KANSL1: variants seen among roughly 807,000 people sequenced by gnomAD.
KANSL1 encodes MLL1/MLL complex subunit KANSL1.
In KANSL1, 22 loss-of-function variants were observed where a neutral mutation model predicts 103.6. That is an observed-to-expected ratio of 0.21 (90% confidence interval 0.15 to 0.30). The LOEUF is 0.30. Ranked by LOEUF, KANSL1 falls within the 10% of genes least tolerant of loss-of-function variation. The pLI is 1.00. For synonymous variants in KANSL1, 600 were observed against 527.6 expected (o/e 1.14, Z -1.88); for missense variants, 1,337 against 1,399.8 (o/e 0.96, Z 0.72).
rs546631407 is a variant in KANSL1 at position 46,091,839 on chromosome 17, CAG to C, written c.1431+2719_1431+2720del. Among the ~76,000 whole-genome samples, 15 of 117,146 alleles carry C rather than the reference CAG, an allele frequency of 1.3e-4. No individual in the cohort carries two copies. The South Asian group carries it at 3.3e-3, about 26-fold the overall frequency. The allele number at this position is 117,146 out of a possible 152,430, so 76.9% of individuals were successfully genotyped here. A position where few individuals can be genotyped will look rare whatever the true frequency, so the allele number is the denominator to read the frequency against. On this transcript the variant is annotated intron_variant, in intron 3 of 14. Coordinates refer to ENST00000432791, the MANE Select transcript of KANSL1 (RefSeq NM_015443.4). ...TATGTATGTATGTATGTATATGAGACAGAGACTCGCTCTGCTTTGCCCAGGCT... is the reference window on the plus strand; with the variant it reads ...TATGTATGTATGTATGTATATGAGACAGACTCGCTCTGCTTTGCCCAGGCT...
chr17:46,189,804 G>A (rs2732594), intron 1 of KANSL1, among the ~76,000 whole-genome samples: 5 of 151,760 alleles, frequency 3.3e-5, no homozygotes, highest in African/African-American at 4.8e-5. Context: ...CTACCCAGGC[G>A]GCTGAGGCAC....
chr17:46,032,044 T>C lies in KANSL1; in HGVS notation c.3090+3A>G. On this transcript the variant is annotated splice_donor_region_variant and intron_variant, in intron 14 of 14. Transcript: ENST00000432791. The stretch of plus-strand genomic sequence containing the variant: ...AACCCCACCCAAAGGCTGCGTCCCT[T>C]ACCTGTTCATCCAGCCCCAGCTCTG... The C allele has an allele frequency of 1.2e-6, 2 of 1,614,070 alleles. No homozygotes were observed. The highest frequency in any genetic ancestry group is 1.7e-5 in the Admixed American group (1 of 60,020).
intron 4 of KANSL1, among the ~76,000 whole-genome samples, chr17:46,080,166 A>G (rs1488588213): frequency 6.6e-6 from 1 of 152,012 alleles, no homozygotes; most frequent in Non-Finnish European, 1.5e-5. Context: ...ATAACAGAAA[A>G]TACCTCTGAC....
In KANSL1 at chr17:46,171,404, C is replaced by G; in HGVS notation, c.740G>C (p.Arg247Thr). The change falls in exon 2 of 15, where the codon AGA (arginine) becomes ACA (threonine). Residue 247 changes from arginine to threonine, a missense_variant. Physicochemically the swap from Arg to Thr is moderately conservative, Grantham distance 71 (BLOSUM62 -1). Transcript: ENST00000432791. ...MEQPALQGSSRLSPGTDSSSN... is the reference protein window; with the variant it reads ...MEQPALQGSSTLSPGTDSSSN... ...GCTGGAGTCTGTACCAGGTGATAAT[C>G]TACTGCTTCCTTGAAGTGCCGGCTG... 6.2e-7 allele frequency: 1 copy of G among 1,614,046 alleles called. No individual in the cohort carries two copies. The highest frequency in any genetic ancestry group is 1.1e-5 in the South Asian group (1 of 91,074).
chr17:46,190,332 GCT>G (rs2047254376), intron 1 of KANSL1, among the ~76,000 whole-genome samples: 1 of 152,256 alleles, frequency 6.6e-6, no homozygotes, highest in Non-Finnish European at 1.5e-5. Flanking sequence ...AACAAAGAGT[GCT>G]CTGCAGGTTT....
chr17:46,067,442 G>C, intron 5 of KANSL1, 107 bp downstream of exon 5: 4 of 736,216 alleles, frequency 5.4e-6, no homozygotes, highest in Non-Finnish European at 9.7e-6. Context: ...AAGTGATAAG[G>C]CTTCCGCTTC....
intron 2 of KANSL1, among the ~76,000 whole-genome samples, chr17:46,151,140 A>G (rs1286373696): frequency 6.6e-6 from 1 of 152,250 alleles, no homozygotes; most frequent in Non-Finnish European, 1.5e-5. Flanking sequence ...ATAAAGCTAA[A>G]TATTTAAGAA....
chr17:46,189,031 CAAAAAAAAAAAAAAAAAAAA>C (rs57566816), intron 1 of KANSL1, among the ~76,000 whole-genome samples: 16,290 of 62,828 alleles, frequency 0.26, 100 homozygotes, highest in Middle Eastern at 0.39. Flanking sequence ...AAGATTGTCT[CAAAAAAAAAAAAAAAAAAAA>C]AAAAAAAAAA....
chr17:46,077,649 C>T (rs1047295474), intron 4 of KANSL1, among the ~76,000 whole-genome samples: 8 of 152,134 alleles, frequency 5.3e-5, no homozygotes, highest in African/African-American at 1.9e-4. Context: ...CCTCTGTCTC[C>T]TGAGTTCAAG....
intron 4 of KANSL1, among the ~76,000 whole-genome samples, chr17:46,070,817 G>A (rs2146698046): frequency 1.3e-5 from 2 of 152,160 alleles, no homozygotes; most frequent in South Asian, 4.1e-4. Context: ...GCCTTCACGT[G>A]TTCTAGAAGG....
At chr17:46,062,480 T>G (rs1487260749) in intron 6 of KANSL1, among the ~76,000 whole-genome samples, 1 of 146,962 alleles carries the variant, frequency 6.8e-6, no homozygotes, top group African/African-American at 2.5e-5. Context: ...TGCCCCAGCC[T>G]CTCGAGTAGC....
intron 2 of KANSL1, among the ~76,000 whole-genome samples, chr17:46,146,600 G>A (rs1037828419): frequency 5.4e-5 from 8 of 147,296 alleles, no homozygotes; most frequent in Middle Eastern, 3.6e-3. Context: ...TTGGGAGGCC[G>A]AAGCCGGCGG....
At chr17:46,094,504 A>G in intron 3 of KANSL1, 56 bp downstream of exon 3, 1 of 1,578,208 alleles carries the variant, frequency 6.3e-7, no homozygotes, top group Non-Finnish European at 8.6e-7. Context: ...GATGTGAGAA[A>G]AGCGATATTG....
chr17:46,105,948 C>CACACACACACA (rs373189477), intron 2 of KANSL1, among the ~76,000 whole-genome samples: 11 of 39,044 alleles, frequency 2.8e-4, no homozygotes, highest in African/African-American at 8.4e-4. Context: ...CACACACACA[C>CACACACACACA]CCCCCCAGAA....
chr17:46,149,007 T>C (rs2044909126), intron 2 of KANSL1, among the ~76,000 whole-genome samples: 1 of 107,940 alleles, frequency 9.3e-6, no homozygotes, highest in African/African-American at 2.7e-5. Context: ...TTTTTTTCTT[T>C]TTTTTTTTTT....
intron 2 of KANSL1, 125 bp downstream of exon 2, chr17:46,170,721 AACATCAGGG>A: frequency 9.8e-7 from 1 of 1,018,086 alleles, no homozygotes; most frequent in Admixed American, 2.3e-5. Flanking sequence ...TCATCTACCC[AACATCAGGG>A]AAAAAACAAA....
At chr17:46,185,301 A>G (rs2046969090) in intron 1 of KANSL1, among the ~76,000 whole-genome samples, 2 of 152,208 alleles carry the variant, frequency 1.3e-5, no homozygotes, top group African/African-American at 2.4e-5. Context: ...TGAAGTGATC[A>G]ACCACCTAAC....
intron 5 of KANSL1, 74 bp downstream of exon 5, chr17:46,067,475 C>T: frequency 1.1e-6 from 1 of 908,408 alleles, no homozygotes; most frequent in South Asian, 1.3e-5. Flanking sequence ...TCAGTCCTGG[C>T]TAAAGAGAAC....
intron 2 of KANSL1, among the ~76,000 whole-genome samples, chr17:46,151,053 A>G (rs2045070757): frequency 6.6e-6 from 1 of 152,258 alleles, no homozygotes; most frequent in South Asian, 2.1e-4. Flanking sequence ...GAGAAGTAAT[A>G]CAACATACTG....
Sources: gnomAD v4.1 joint callset for allele counts (sites outside exome capture counted in the v4.1 genomes callset) on GRCh38, gnomAD v4.1.1 for gene constraint, MANE v1.5 for transcripts, NCBI Gene and HGNC (gene_info 2026-07-23, HGNC 2026-07-21) for gene names.